PGM5: variants seen among roughly 807,000 people sequenced by gnomAD.
PGM5 encodes phosphoglucomutase 5, also known as phosphoglucomutase-like protein 5.
In PGM5, 23 loss-of-function variants were observed where a neutral mutation model predicts 59.2. The observed-to-expected ratio is 0.39, with a 90% CI of 0.28 to 0.55. The LOEUF is 0.55. PGM5 is among the 20% of genes least tolerant of loss of function. The pLI is 0.66. For missense variants in PGM5, 574 were observed against 748.3 expected (o/e 0.77, Z 2.72); for synonymous variants, 214 against 286.0 (o/e 0.75, Z 2.54).
At chr9:68,445,845 A>G (rs1440908787) in intron 6 of PGM5, among the ~76,000 whole-genome samples, 1 of 152,166 alleles carries the variant, frequency 6.6e-6, no homozygotes, top group Admixed American at 6.5e-5. Context: ...AGTGTTGTCC[A>G]TTGTTTTCTT....
chr9:68,529,049 C>A lies in PGM5; in HGVS notation c.1615-518C>A, dbSNP rs115392521. Among the ~76,000 whole-genome samples the A allele has an allele frequency of 7.9e-3, 1,208 of 152,282 alleles. 14 individuals carry two copies. Among genetic ancestry groups the A allele is most frequent in the African/African-American group, 0.028 (1,151 of 41,564 alleles). The stretch of plus-strand genomic sequence containing the variant: ...AGCCCAGTGTTACGTAATGGGAAGG[C>A]ATGATCAGTCATTTCTGCAACGTTG... On this transcript the variant is annotated intron_variant, in intron 10 of 10. Coordinates refer to ENST00000396396, the MANE Select transcript of PGM5 (RefSeq NM_021965.4).
At chr9:68,373,832 C>T (rs1821804302) in intron 1 of PGM5, among the ~76,000 whole-genome samples, 1 of 152,202 alleles carries the variant, frequency 6.6e-6, no homozygotes. Context: ...GACCCAGTTT[C>T]CTTCCCTCTT....
intron 4 of PGM5, among the ~76,000 whole-genome samples, chr9:68,391,205 T>G (rs1822354625): frequency 6.6e-6 from 1 of 151,348 alleles, no homozygotes. Context: ...AGCTAAAACT[T>G]TTAATACATG....
chr9:68,507,602 TTAAGAAAC>T (rs1409986231), intron 10 of PGM5, among the ~76,000 whole-genome samples: 181 of 151,882 alleles, frequency 1.2e-3, no homozygotes, highest in African/African-American at 4.0e-3. Flanking sequence ...TTTTTTTTTT[TTAAGAAAC>T]AAGAAACAAG....
At chr9:68,375,061 A>G (rs1587775026) in intron 1 of PGM5, among the ~76,000 whole-genome samples, 1 of 151,974 alleles carries the variant, frequency 6.6e-6, no homozygotes, top group South Asian at 2.1e-4. Context: ...CCTTGGCTGG[A>G]AAGTTGGTGC....
At chr9:68,407,791 A>C (rs1207927765) in intron 6 of PGM5, among the ~76,000 whole-genome samples, 1 of 152,224 alleles carries the variant, frequency 6.6e-6, no homozygotes, top group Non-Finnish European at 1.5e-5. Context: ...AGTTCAGCCA[A>C]AAGCAGCAAA....
chr9:68,387,847 T>A (rs1392005446), intron 4 of PGM5, among the ~76,000 whole-genome samples: 1 of 151,988 alleles, frequency 6.6e-6, no homozygotes, highest in African/African-American at 2.4e-5. Context: ...ATTTATTTGA[T>A]CATATGCATG....
At chr9:68,409,927 T>C (rs1822896461) in intron 6 of PGM5, among the ~76,000 whole-genome samples, 1 of 151,206 alleles carries the variant, frequency 6.6e-6, no homozygotes, top group Non-Finnish European at 1.5e-5. Flanking sequence ...ACTGAGGTGG[T>C]ACATCTGACT....
At chr9:68,373,919 G>T (rs1450493731) in intron 1 of PGM5, among the ~76,000 whole-genome samples, 3 of 152,132 alleles carry the variant, frequency 2.0e-5, no homozygotes, top group African/African-American at 4.8e-5. Context: ...GTGTAGAGAT[G>T]ATATGTTTGT....
At chr9:68,528,986 GCCCACCTCCTCCAGA>G (rs1825034886) in intron 10 of PGM5, among the ~76,000 whole-genome samples, 1 of 152,112 alleles carries the variant, frequency 6.6e-6, no homozygotes, top group Non-Finnish European at 1.5e-5. Context: ...TCTAAAGCAT[GCCCACCTCCTCCAGA>G]AAACCCACTG....
At chr9:68,507,682 T>C (rs1438451416) in intron 10 of PGM5, among the ~76,000 whole-genome samples, 1 of 152,106 alleles carries the variant, frequency 6.6e-6, no homozygotes, top group African/African-American at 2.4e-5. Context: ...TATGGCTGTG[T>C]TTTCATAACT....
intron 10 of PGM5, among the ~76,000 whole-genome samples, chr9:68,523,963 A>G (rs532507884): frequency 6.6e-6 from 1 of 152,074 alleles, no homozygotes; most frequent in East Asian, 1.9e-4. Context: ...TGCTTGTCCC[A>G]GAGTAAGAAG....
At chr9:68,480,704 A>AC (rs1824183065) in intron 8 of PGM5, among the ~76,000 whole-genome samples, 3 of 152,060 alleles carry the variant, frequency 2.0e-5, no homozygotes, top group African/African-American at 4.8e-5. Flanking sequence ...ATCTCAAAAA[A>AC]AAAAACAAAA....
At chr9:68,443,582 G>A (rs1554683818) in intron 6 of PGM5, among the ~76,000 whole-genome samples, 2 of 152,162 alleles carry the variant, frequency 1.3e-5, no homozygotes, top group East Asian at 3.9e-4. Context: ...CCACTTCTCT[G>A]GAGCAACTAC....
chr9:68,515,041 A>C (rs1481002554), intron 10 of PGM5, among the ~76,000 whole-genome samples: 4 of 152,264 alleles, frequency 2.6e-5, no homozygotes, highest in African/African-American at 9.6e-5. Flanking sequence ...TGAGGTAAAG[A>C]AAGTTCTAAT....
chr9:68,442,281 T>C (rs1250353832), intron 6 of PGM5, among the ~76,000 whole-genome samples: 2 of 151,870 alleles, frequency 1.3e-5, no homozygotes, highest in Admixed American at 1.3e-4. Flanking sequence ...GGAATCACAC[T>C]TTATTTTTTT....
chr9:68,450,647 C>T (rs782309077), intron 6 of PGM5, among the ~76,000 whole-genome samples: 4 of 152,298 alleles, frequency 2.6e-5, no homozygotes, highest in Admixed American at 6.5e-5. Context: ...TGGATATGCA[C>T]ATTTGGTTTC....
At chr9:68,376,765 A>ATTTATTTCTTTCTTTC (rs1821897753) in intron 1 of PGM5, among the ~76,000 whole-genome samples, 1 of 96,720 alleles carries the variant, frequency 1.0e-5, no homozygotes, top group Non-Finnish European at 2.1e-5. Context: ...GAGGTTCTGC[A>ATTTATTTCTTTCTTTC]TTTCTTTCTT....
intron 6 of PGM5, among the ~76,000 whole-genome samples, chr9:68,426,251 T>C (rs1461091144): frequency 8.8e-6 from 1 of 113,012 alleles, no homozygotes; most frequent in Non-Finnish European, 1.9e-5. Context: ...TCCCAATTCC[T>C]CATGTATTTA....
Sources: allele counts gnomAD v4.1 joint callset (sites outside exome capture counted in the v4.1 genomes callset), GRCh38; gene constraint gnomAD v4.1.1; transcripts MANE v1.5; gene names NCBI Gene and HGNC (gene_info 2026-07-23, HGNC 2026-07-21).